ARHGEF11: variants seen among roughly 807,000 people sequenced by gnomAD.
ARHGEF11 encodes Rho guanine nucleotide exchange factor 11, also known as Rho guanine exchange factor (GEF) 11.
ARHGEF11 carries 55 observed loss-of-function variants against 193.7 expected under a neutral mutation model. The ratio of observed to expected loss-of-function variants is 0.28; its 90% CI spans 0.23 to 0.36. The LOEUF (loss-of-function observed/expected upper bound fraction) is 0.36. Among genes scored for constraint, ARHGEF11 ranks in the 10% least tolerant of loss-of-function variants. ARHGEF11 has a pLI of 1.00. For synonymous variants in ARHGEF11, 693 were observed against 768.0 expected, an observed-to-expected ratio of 0.90 and a Z score of 1.62; for missense variants, 1,723 against 2,005.6, an observed-to-expected ratio of 0.86 and a Z score of 2.69.
In ARHGEF11 at chr1:157,045,172, T is replaced by A. The variant is rs72700743; in HGVS notation, c.-842A>T. The A allele has an allele frequency of 0.29, 43,968 of 152,104 alleles. 7,133 individuals carry two copies. The highest frequency in any genetic ancestry group is 0.47 in the Middle Eastern group (137 of 292). 9.4% of individuals were successfully genotyped at this position (152,104 alleles called of 1,614,324 possible). ...TAATGATAACAAACCAGAGATAATC[T>A]CTGAAAATATTCTCTCCTTTTCTTT... is the stretch of plus-strand genomic sequence containing the variant. On this transcript the variant is annotated 5_prime_UTR_variant, in exon 1 of 41. Coordinates refer to ENST00000368194, the MANE Select transcript of ARHGEF11 (RefSeq NM_198236.3).
intron 1 of ARHGEF11, among the ~76,000 whole-genome samples, chr1:157,004,701 T>C (rs1002127078): frequency 8.5e-5 from 13 of 152,266 alleles, no homozygotes; most frequent in Admixed American, 5.2e-4. Context: ...ACAAGTAATG[T>C]TGAATGGCAG....
Position 156,941,932 on chromosome 1 carries a change from G to A in ARHGEF11, c.3384C>T (p.Ala1128=). 4 of 1,614,112 alleles carry A rather than the reference G, an allele frequency of 2.5e-6. No individual in the cohort carries two copies. The highest frequency in any genetic ancestry group is 1.3e-5 in the African/African-American group (1 of 75,022). Residue 1128 remains alanine (A), a synonymous_variant, in exon 34 of 41, where the codon GCC becomes GCT. Coordinates refer to ENST00000368194, the MANE Select transcript of ARHGEF11 (RefSeq NM_198236.3). ...GGGGTGGAGGATGGACGGGCATTGG[G>A]GCAGCTCCGGGGTGCCTGGTGGCAT... ...VRNATRHPGA[A]PMPVHPPPPG...
Position 156,946,796 on chromosome 1 carries a change from G to A in ARHGEF11, c.2569-9C>T. Reference sequence around the variant, plus strand: ...CGGGCAGGGCCATCAAACTGAAGAGGCAGAATGGACACGGGGCCAGGCATC... The same window carrying A: ...CGGGCAGGGCCATCAAACTGAAGAGACAGAATGGACACGGGGCCAGGCATC... On this transcript the variant is annotated splice_polypyrimidine_tract_variant and intron_variant, in intron 27 of 40. Coordinates refer to ENST00000368194, the MANE Select transcript of ARHGEF11 (RefSeq NM_198236.3). The A allele has an allele frequency of 1.2e-6, 2 of 1,614,174 alleles. No homozygotes were observed. The highest frequency in any genetic ancestry group is 1.7e-6 in the Non-Finnish European group (2 of 1,180,030).
chr1:157,043,191 T>A (rs1273471570), intron 1 of ARHGEF11, among the ~76,000 whole-genome samples: 1 of 152,314 alleles, frequency 6.6e-6, no homozygotes, highest in African/African-American at 2.4e-5. Flanking sequence ...GGACTGGGCA[T>A]GGAGGGAACA....
rs1553228536 is a variant in ARHGEF11, at chr1:157,013,299, A to ACC, written c.33-27128_33-27127dup. The stretch of plus-strand genomic sequence containing the variant: ...CACACACACACACACACACACACAC[A>ACC]CCAAGAACCTTCTCCGGTGGGTGGG... On this transcript the variant is annotated intron_variant, in intron 1 of 40. Coordinates refer to ENST00000368194, the MANE Select transcript of ARHGEF11 (RefSeq NM_198236.3). Among the ~76,000 whole-genome samples the ACC allele has an allele frequency of 9.3e-4, 138 of 148,728 alleles. 2 individuals carry two copies. Among genetic ancestry groups the ACC allele is most frequent in the South Asian group, 1.3e-3 (6 of 4,494 alleles).
chr1:157,045,848 C>T (rs1445766198), upstream of ARHGEF11, among the ~76,000 whole-genome samples: 1 of 151,172 alleles, frequency 6.6e-6, no homozygotes, highest in Non-Finnish European at 1.5e-5. Flanking sequence ...TCCCTCCTTC[C>T]CTGCGAGCCT....
At chr1:157,009,402 A>G (rs771909619) in intron 1 of ARHGEF11, among the ~76,000 whole-genome samples, 3 of 152,246 alleles carry the variant, frequency 2.0e-5, no homozygotes, top group Admixed American at 6.5e-5. Context: ...GGAAACATAC[A>G]ATCTTGAGGA....
intron 40 of ARHGEF11, among the ~76,000 whole-genome samples, chr1:156,936,541 A>G (rs1407336602): frequency 7.0e-6 from 1 of 142,244 alleles, no homozygotes; most frequent in Non-Finnish European, 1.5e-5. Flanking sequence ...TAAAAAAAGA[A>G]CAAGTCTTAG....
chr1:157,025,981 A>C (rs773496322), intron 1 of ARHGEF11, among the ~76,000 whole-genome samples: 24 of 152,344 alleles, frequency 1.6e-4, no homozygotes, highest in Non-Finnish European at 2.9e-4. Context: ...TATTGTATTA[A>C]GTGGATTCTT....
At chr1:157,036,217 A>G (rs1306030462) in intron 1 of ARHGEF11, among the ~76,000 whole-genome samples, 2 of 147,258 alleles carry the variant, frequency 1.4e-5, no homozygotes, top group African/African-American at 4.9e-5. Flanking sequence ...ATATATATAT[A>G]TGGCTGATTA....
At position 156,944,020 on chromosome 1, in the gene ARHGEF11, C is replaced by G. The variant is rs769837276; in HGVS notation, c.3150G>C (p.Lys1050Asn). 1.2e-6 allele frequency: 2 copies of G among 1,614,030 alleles called. No homozygotes were observed. Among genetic ancestry groups the G allele is most frequent in the South Asian group, 1.1e-5 (1 of 91,088 alleles). ...TGCTGTCTGAGGAGCCCACAGCAGTCTTGCTGTGGCACTTCAGCAATAGCT... is the reference window on the plus strand; with the variant it reads ...TGCTGTCTGAGGAGCCCACAGCAGTGTTGCTGTGGCACTTCAGCAATAGCT... ...DEKLLLKCHS[K>N]TAVGSSDSKQ... Residue 1050 changes from lysine to asparagine, a missense_variant, in exon 32 of 41, where the codon AAG becomes AAC. Lys to Asn is a moderately conservative substitution (Grantham distance 94, BLOSUM62 0). Coordinates refer to ENST00000368194, the MANE Select transcript of ARHGEF11 (RefSeq NM_198236.3).
intron 18 of ARHGEF11, among the ~76,000 whole-genome samples, chr1:156,957,277 G>A (rs1660085331): frequency 6.6e-6 from 1 of 152,132 alleles, no homozygotes; most frequent in Non-Finnish European, 1.5e-5. Flanking sequence ...TGTATGCTCA[G>A]GGAATGCAGA....
chr1:156,943,297 G>A (rs1403061775), intron 32 of ARHGEF11, among the ~76,000 whole-genome samples: 1 of 152,194 alleles, frequency 6.6e-6, no homozygotes, highest in African/African-American at 2.4e-5. Flanking sequence ...CTGACCTCAA[G>A]TGATCTGAGT....
chr1:156,989,358 A>G (rs1252338963), intron 1 of ARHGEF11, among the ~76,000 whole-genome samples: 1 of 152,008 alleles, frequency 6.6e-6, no homozygotes, highest in Non-Finnish European at 1.5e-5. Context: ...TGGATTACTG[A>G]AAAAAACCTC....
chr1:157,034,952 G>C (rs1322807977), intron 1 of ARHGEF11, among the ~76,000 whole-genome samples: 2 of 152,166 alleles, frequency 1.3e-5, no homozygotes, highest in Non-Finnish European at 1.5e-5. Flanking sequence ...TAATGGAGTT[G>C]GGAGAAGACA....
At chr1:157,006,739 C>A (rs1480842981) in intron 1 of ARHGEF11, among the ~76,000 whole-genome samples, 2 of 152,190 alleles carry the variant, frequency 1.3e-5, no homozygotes, top group Non-Finnish European at 2.9e-5. Context: ...CATCTGCTGG[C>A]ACCTCCTTCC....
intron 1 of ARHGEF11, among the ~76,000 whole-genome samples, chr1:156,993,738 C>T (rs1296915154): frequency 6.6e-6 from 1 of 152,174 alleles, no homozygotes; most frequent in South Asian, 2.1e-4. Context: ...TCCCTCTGGT[C>T]TGAGGCTGGC....
At chr1:156,980,842 G>A (rs1162239235) in intron 3 of ARHGEF11, among the ~76,000 whole-genome samples, 2 of 121,420 alleles carry the variant, frequency 1.6e-5, no homozygotes, top group Non-Finnish European at 3.4e-5. Context: ...CCGGGGGGGG[G>A]GGGGGAAATG....
At chr1:156,947,708 G>A in intron 25 of ARHGEF11, 61 bp downstream of exon 25, 1 of 1,581,926 alleles carries the variant, frequency 6.3e-7, no homozygotes, top group East Asian at 2.3e-5. Context: ...TGTGTCTTAG[G>A]CATTCTGGAC....
Sources: allele counts gnomAD v4.1 joint callset (sites outside exome capture counted in the v4.1 genomes callset), GRCh38; gene constraint gnomAD v4.1.1; transcripts MANE v1.5; gene names NCBI Gene and HGNC (gene_info 2026-07-23, HGNC 2026-07-21).